The following CFLAR variants were observed in gnomAD, a reference collection of about 807,000 sequenced individuals.
CFLAR encodes CASP8 and FADD-like apoptosis regulator.
A neutral mutation model predicts 51.1 loss-of-function variants in CFLAR; 14 were observed. The ratio of observed to expected loss-of-function variants is 0.27; its 90% confidence interval spans 0.18 to 0.43. The LOEUF (loss-of-function observed/expected upper bound fraction) is 0.43. CFLAR is among the 20% of genes least tolerant of loss of function. CFLAR has a pLI of 1.00. For missense variants in CFLAR, 390 were observed against 566.5 expected (o/e 0.69, Z 3.16); for synonymous variants, 210 against 211.6 (o/e 0.99, Z 0.06).
intron 8 of CFLAR, chr2:201,152,973 G>T (rs1941527456): frequency 6.6e-6 from 1 of 152,262 alleles, no homozygotes; most frequent in Admixed American, 6.5e-5. Flanking sequence ...CTGTATACGA[G>T]CTCCAAGAAT....
rs929227480 is a variant in CFLAR, at chr2:201,140,366, C to G, written c.533C>G (p.Ala178Gly). ...IQKYKQSVQG[A>G]GTSYRNVLQA... ...CCTTCTGCTTTTATAGTTCAAGGAGCAGGGACAAGTTACAGGAATGTTCTC... is the reference window on the plus strand; with the variant it reads ...CCTTCTGCTTTTATAGTTCAAGGAGGAGGGACAAGTTACAGGAATGTTCTC... Residue 178 changes from alanine to glycine, a missense_variant, in exon 5 of 10, where the codon GCA becomes GGA. Physicochemically the swap from Ala to Gly is moderately conservative, Grantham distance 60. Transcript: ENST00000309955. The G allele has an allele frequency of 5.6e-6, 9 of 1,606,732 alleles. No homozygotes were observed. The highest frequency in any genetic ancestry group is 7.7e-6 in the Non-Finnish European group (9 of 1,176,468).
rs1225828567 is a variant in CFLAR at position 201,172,704 on chromosome 2, CA to C, written c.*8732del. 6.6e-6 allele frequency: 1 copy of C among 152,196 alleles called. No homozygotes were observed. The highest frequency in any genetic ancestry group is 2.4e-5 in the African/African-American group (1 of 41,444). The allele number at this position is 152,196 out of a possible 1,614,324, so 9.4% of individuals were successfully genotyped here. A position where few individuals can be genotyped will look rare whatever the true frequency, so the allele number is the denominator to read the frequency against. Reference sequence around the variant, plus strand: ...CCTTCACTTAGCATGTTTCAAGGTTCATCTATGCTATAGAGTGTACCAGTGC... The same window carrying C: ...CCTTCACTTAGCATGTTTCAAGGTTCTCTATGCTATAGAGTGTACCAGTGC... On this transcript the variant is annotated 3_prime_UTR_variant, in exon 10 of 10. Coordinates refer to ENST00000309955, the MANE Select transcript of CFLAR (RefSeq NM_003879.7).
intron 8 of CFLAR, among the ~76,000 whole-genome samples, chr2:201,159,035 G>A (rs1019483416): frequency 6.0e-5 from 9 of 150,754 alleles, no homozygotes; most frequent in Admixed American, 2.0e-4. Context: ...GCACCACCAC[G>A]CCTGGCTAAT....
chr2:201,131,963 C>A (rs1024119760), intron 2 of CFLAR, among the ~76,000 whole-genome samples: 3 of 152,126 alleles, frequency 2.0e-5, no homozygotes, highest in African/African-American at 7.2e-5. Context: ...ACTTTTTAAA[C>A]TGTGAAGCAC....
rs113719013 is a variant in CFLAR, at chr2:201,158,693, G to C, written c.794-1739G>C. Reference sequence around the variant, plus strand: ...AGAGGAGATGGCTAGGGGACAGTGCGTCCAGGCCTCTTCTACCACACAGAG... The same window carrying C: ...AGAGGAGATGGCTAGGGGACAGTGCCTCCAGGCCTCTTCTACCACACAGAG... On this transcript the variant is annotated intron_variant, in intron 8 of 9. Transcript: ENST00000309955. 8.3e-3 allele frequency among the ~76,000 whole-genome samples: 1,267 copies of C among 152,160 alleles called. 21 individuals are homozygous for C. Among genetic ancestry groups the C allele is most frequent in the African/African-American group, 0.029 (1,188 of 41,520 alleles).
chr2:201,135,778 A>G (rs781033253), intron 3 of CFLAR, among the ~76,000 whole-genome samples, 194 bp from the exon 4 acceptor site: 1 of 152,000 alleles, frequency 6.6e-6, no homozygotes, highest in Non-Finnish European at 1.5e-5. Context: ...GTGTGTGCCA[A>G]CACACTCAGC....
In CFLAR at chr2:201,135,971, G is replaced by C; in HGVS notation, c.388-1G>C. 6.2e-7 allele frequency: 1 copy of C among 1,606,328 alleles called. No individual in the cohort carries two copies. The highest frequency in any genetic ancestry group is 8.5e-7 in the Non-Finnish European group (1 of 1,177,978). ...TTGTTTTTTGTTGGTGGTTCTCTTA[G>C]AGTTTCTTGGACCTTGTGGTTGAGT... On this transcript the variant is annotated splice_acceptor_variant, in intron 3 of 9. Coordinates refer to ENST00000309955, the MANE Select transcript of CFLAR (RefSeq NM_003879.7). LOFTEE classifies it high-confidence loss of function.
chr2:201,117,005 T>C (rs2047669699), intron 1 of CFLAR: 1 of 152,016 alleles, frequency 6.6e-6, no homozygotes, highest in African/African-American at 2.4e-5. Flanking sequence ...AGTTCAATTC[T>C]TGGGGTGAAC....
chr2:201,150,765 A>G (rs1941151285), intron 8 of CFLAR, among the ~76,000 whole-genome samples: 1 of 152,170 alleles, frequency 6.6e-6, no homozygotes, highest in Admixed American at 6.5e-5. Context: ...ACCCCATTAG[A>G]TTGGTCAGAA....
At chr2:201,127,412 C>T (rs959487426) in intron 1 of CFLAR, among the ~76,000 whole-genome samples, 3 of 152,066 alleles carry the variant, frequency 2.0e-5, no homozygotes, top group Non-Finnish European at 2.9e-5. Context: ...CTCAGCATTT[C>T]GGAAGGCTGA....
chr2:201,164,273 C>T lies in CFLAR; in HGVS notation c.*300C>T, dbSNP rs1396481560. 3 of 147,894 alleles carry T rather than the reference C, an allele frequency of 2.0e-5. No individual in the cohort carries two copies. The highest frequency in any genetic ancestry group is 2.6e-3 in the Middle Eastern group (1 of 386). 9.2% of individuals were successfully genotyped at this position (147,894 alleles called of 1,614,324 possible). On this transcript the variant is annotated 3_prime_UTR_variant, in exon 10 of 10. Coordinates refer to ENST00000309955, the MANE Select transcript of CFLAR (RefSeq NM_003879.7). ...CCTGGGCAATATAGCAAGATCCCAT[C>T]TCTTTAAAAAAAAAAAAAAAGGACA... is the stretch of plus-strand genomic sequence containing the variant.
At chr2:201,137,376 C>T in intron 4 of CFLAR, 1 of 375,898 alleles carries the variant, frequency 2.7e-6, no homozygotes, top group South Asian at 2.3e-5. Context: ...CCCCTCAGAG[C>T]CTCCCCTCCT....
At chr2:201,153,807 T>C (rs1243740446) in intron 8 of CFLAR, 1 of 152,370 alleles carries the variant, frequency 6.6e-6, no homozygotes, top group Non-Finnish European at 1.5e-5. Flanking sequence ...TTAATCCTCA[T>C]GAATAATACC....
Position 201,139,112 on chromosome 2 carries a change from G to A in CFLAR, c.524-1245G>A, listed in dbSNP as rs1333084977. 3.5e-5 allele frequency: 13 copies of A among 376,642 alleles called. No individual in the cohort carries two copies. In the East Asian group the frequency reaches 4.2e-4, roughly 12 times the overall value. The allele number at this position is 376,642 out of a possible 1,614,324, so 23.3% of individuals were successfully genotyped here. ...AAGAAAAATTCTTCTGCCTCGAGATGCTGTTAATCTGTAACCTTACCCCCA... is the reference window on the plus strand; with the variant it reads ...AAGAAAAATTCTTCTGCCTCGAGATACTGTTAATCTGTAACCTTACCCCCA... On this transcript the variant is annotated intron_variant, in intron 4 of 9. Coordinates refer to ENST00000309955, the MANE Select transcript of CFLAR (RefSeq NM_003879.7).
intron 5 of CFLAR, chr2:201,141,429 T>C (rs1938840902): frequency 7.7e-6 from 12 of 1,556,076 alleles, no homozygotes; most frequent in Non-Finnish European, 1.0e-5. Context: ...AATTGTTCCA[T>C]GTGATTAACA....
intron 8 of CFLAR, among the ~76,000 whole-genome samples, chr2:201,157,255 C>G (rs1212685693): frequency 6.6e-6 from 1 of 152,166 alleles, no homozygotes; most frequent in Non-Finnish European, 1.5e-5. Flanking sequence ...ATCCTCCTTC[C>G]TTAGCCTCCC....
In CFLAR at chr2:201,167,448, A is replaced by G. The variant is rs11899871; in HGVS notation, c.*3475A>G. The G allele has an allele frequency of 0.47, 71,996 of 151,772 alleles. 17,299 individuals carry two copies. The highest frequency in any genetic ancestry group is 0.51 in the Non-Finnish European group (34,847 of 67,874). The allele number at this position is 151,772 out of a possible 1,614,324, so 9.4% of individuals were successfully genotyped here. A position where few individuals can be genotyped will look rare whatever the true frequency, so the allele number is the denominator to read the frequency against. On this transcript the variant is annotated 3_prime_UTR_variant, in exon 10 of 10. Coordinates refer to ENST00000309955, the MANE Select transcript of CFLAR (RefSeq NM_003879.7). ...TGAGCCCAGAGAGGTCAAGGTTGTG[A>G]TGAGCTGTGATCACACCACTGCACT...
chr2:201,156,341 C>T (rs773564233), intron 8 of CFLAR, among the ~76,000 whole-genome samples: 66 of 152,328 alleles, frequency 4.3e-4, no homozygotes, highest in Non-Finnish European at 6.3e-4. Context: ...TTCCCAAACA[C>T]GTTTGACCTC....
rs958062978 is a variant in CFLAR, at chr2:201,174,872, G to A, written c.*10899G>A. 1.3e-5 allele frequency: 2 copies of A among 152,224 alleles called. No individual in the cohort carries two copies. The highest frequency in any genetic ancestry group is 4.8e-5 in the African/African-American group (2 of 41,452). 9.4% of individuals were successfully genotyped at this position (152,224 alleles called of 1,614,324 possible). A position where few individuals can be genotyped will look rare whatever the true frequency, so the allele number is the denominator to read the frequency against. ...CTGTAAGACCCTGCTGATAAGACAGGATGTGGTAGAAAGGCCAACCCAAAC... is the reference window on the plus strand; with the variant it reads ...CTGTAAGACCCTGCTGATAAGACAGAATGTGGTAGAAAGGCCAACCCAAAC... On this transcript the variant is annotated 3_prime_UTR_variant, in exon 10 of 10. Coordinates refer to ENST00000309955, the MANE Select transcript of CFLAR (RefSeq NM_003879.7).
Sources: gnomAD v4.1 joint callset for allele counts (sites outside exome capture counted in the v4.1 genomes callset) on GRCh38, gnomAD v4.1.1 for gene constraint, MANE v1.5 for transcripts, NCBI Gene and HGNC (gene_info 2026-07-23, HGNC 2026-07-21) for gene names.